Variants in MAGI3 observed in about 807,000 individuals in gnomAD.
MAGI3 encodes membrane associated guanylate kinase, WW and PDZ domain containing 3, also known as membrane-associated guanylate kinase, WW and PDZ domain-containing protein 3.
In MAGI3, 43 loss-of-function variants were observed where a neutral mutation model predicts 121.8. That is an observed-to-expected ratio of 0.35 (90% CI 0.28 to 0.46). MAGI3 has a LOEUF of 0.46. Ranked by LOEUF, MAGI3 falls within the 20% of genes least tolerant of loss-of-function variation. The probability of loss-of-function intolerance (pLI) is 1.00; values close to 1 mark genes in which losing one functional copy is unlikely to be tolerated. For missense variants in MAGI3, 1,547 were observed against 1,797.3 expected, an observed-to-expected ratio of 0.86 and a Z score of 2.52; for synonymous variants, 553 against 639.3, an observed-to-expected ratio of 0.86 and a Z score of 2.04.
At chr1:113,542,524 G>A (rs1278741285) in intron 1 of MAGI3, among the ~76,000 whole-genome samples, 2 of 152,166 alleles carry the variant, frequency 1.3e-5, no homozygotes, top group African/African-American at 2.4e-5. Flanking sequence ...ATGTTTCCAC[G>A]TTTGAAATTT....
intron 1 of MAGI3, among the ~76,000 whole-genome samples, chr1:113,418,405 C>T (rs1424162293): frequency 1.3e-5 from 2 of 152,094 alleles, no homozygotes; most frequent in Non-Finnish European, 2.9e-5. Flanking sequence ...CCAGCCATTA[C>T]TTGTGCTATT....
rs189126784 is a variant in MAGI3 at position 113,579,664 on chromosome 1, A to G, written c.434-878A>G. Among the ~76,000 whole-genome samples the G allele has an allele frequency of 2.0e-5, 3 of 152,152 alleles. No individual in the cohort carries two copies. The East Asian group carries it at 5.8e-4, about 29-fold the overall frequency. On this transcript the variant is annotated intron_variant, in intron 2 of 20. Coordinates refer to ENST00000307546, the MANE Select transcript of MAGI3 (RefSeq NM_001142782.2). ...GGTTGACCTAGGGGTACCAACAATA[A>G]AGGTCCTAGATAATGATATGAATTC...
intron 2 of MAGI3, among the ~76,000 whole-genome samples, chr1:113,571,692 T>C (rs1647297930): frequency 6.6e-6 from 1 of 152,208 alleles, no homozygotes; most frequent in Non-Finnish European, 1.5e-5. Flanking sequence ...GGCTCTCTGT[T>C]TGCCTATCAT....
intron 1 of MAGI3, among the ~76,000 whole-genome samples, chr1:113,504,764 G>A (rs963057792): frequency 6.6e-6 from 1 of 152,008 alleles, no homozygotes; most frequent in African/African-American, 2.4e-5. Flanking sequence ...GTTTATTTCA[G>A]CACTGTTTAT....
chr1:113,655,013 T>C (rs968165328), intron 15 of MAGI3, among the ~76,000 whole-genome samples: 2 of 152,166 alleles, frequency 1.3e-5, no homozygotes, highest in African/African-American at 4.8e-5. Context: ...GTCCATGACA[T>C]GGATGAGTTA....
chr1:113,685,694 G>A lies in MAGI3; in HGVS notation c.*1680G>A, dbSNP rs1648509321. 6.6e-6 allele frequency: 1 copy of A among 152,250 alleles called. No homozygotes were observed. Among genetic ancestry groups the A allele is most frequent in the African/African-American group, 2.4e-5 (1 of 41,406 alleles). 9.4% of individuals were successfully genotyped at this position (152,250 alleles called of 1,614,324 possible). A position where few individuals can be genotyped will look rare whatever the true frequency, so the allele number is the denominator to read the frequency against. On this transcript the variant is annotated 3_prime_UTR_variant, in exon 21 of 21. Coordinates refer to ENST00000307546, the MANE Select transcript of MAGI3 (RefSeq NM_001142782.2). ...AACGAATCCTATTTTTGTTAACTGT[G>A]ACATAACTTTGATGTCATATGTTGT...
chr1:113,611,936 C>CTTATTTATTTATTTAT (rs71090712), intron 6 of MAGI3, among the ~76,000 whole-genome samples: 16,928 of 138,748 alleles, frequency 0.12, 1,211 homozygotes, highest in African/African-American at 0.15. Context: ...CTAATCCCAA[C>CTTATTTATTTATTTAT]TTATTTATTT....
At chr1:113,587,707 A>G (rs960876587) in intron 4 of MAGI3, among the ~76,000 whole-genome samples, 2 of 152,212 alleles carry the variant, frequency 1.3e-5, no homozygotes, top group African/African-American at 4.8e-5. Flanking sequence ...ATGGTTTTAT[A>G]TAAAGAACAT....
chr1:113,455,573 A>G (rs1654710700), intron 1 of MAGI3, among the ~76,000 whole-genome samples: 1 of 151,746 alleles, frequency 6.6e-6, no homozygotes, highest in Non-Finnish European at 1.5e-5. Flanking sequence ...TTCATCTAAT[A>G]CTGTTCTCTT....
chr1:113,663,736 C>A (rs11803395), intron 16 of MAGI3, among the ~76,000 whole-genome samples: 3,502 of 152,086 alleles, frequency 0.023, 144 homozygotes, highest in African/African-American at 0.079. Context: ...ATTGTTGGGT[C>A]GCATGGTAAC....
chr1:113,439,010 C>T (rs2101451542), intron 1 of MAGI3, among the ~76,000 whole-genome samples: 1 of 152,248 alleles, frequency 6.6e-6, no homozygotes, highest in Admixed American at 6.5e-5. Flanking sequence ...ATCCAAATTG[C>T]CAGCATCACT....
At chr1:113,468,102 T>C (rs1383692611) in intron 1 of MAGI3, among the ~76,000 whole-genome samples, 1 of 152,208 alleles carries the variant, frequency 6.6e-6, no homozygotes, top group Non-Finnish European at 1.5e-5. Context: ...TTTCTGTCTT[T>C]GTGTTTCTTT....
chr1:113,399,080 AATT>A (rs1255789263), intron 1 of MAGI3, among the ~76,000 whole-genome samples: 2 of 151,950 alleles, frequency 1.3e-5, no homozygotes, highest in African/African-American at 4.8e-5. Context: ...TGGTCATTAG[AATT>A]ATTATTTGGT....
intron 2 of MAGI3, among the ~76,000 whole-genome samples, chr1:113,561,993 C>G (rs909313382): frequency 1.3e-5 from 2 of 152,100 alleles, no homozygotes; most frequent in East Asian, 3.9e-4. Context: ...GAGCCAAAAT[C>G]CAGAATGAAC....
rs944258904 is a variant in MAGI3 at position 113,466,258 on chromosome 1, T to G, written c.316+74909T>G. Among the ~76,000 whole-genome samples, 6 of 152,152 alleles carry G rather than the reference T, an allele frequency of 3.9e-5. No homozygotes were observed. In the East Asian group the frequency reaches 9.6e-4, roughly 24 times the overall value. ...TTAATCTGTTGAAATAATCATAGGGTTTTTGTATTGGTTCTGTTAATTATC... is the reference window on the plus strand; with the variant it reads ...TTAATCTGTTGAAATAATCATAGGGGTTTTGTATTGGTTCTGTTAATTATC... On this transcript the variant is annotated intron_variant, in intron 1 of 20. Coordinates refer to ENST00000307546, the MANE Select transcript of MAGI3 (RefSeq NM_001142782.2).
chr1:113,596,055 CTA>C (rs1648985964), intron 6 of MAGI3, among the ~76,000 whole-genome samples: 1 of 87,526 alleles, frequency 1.1e-5, no homozygotes, highest in South Asian at 4.0e-4. Context: ...AATACTAATA[CTA>C]ATAATAATTG....
intron 1 of MAGI3, among the ~76,000 whole-genome samples, chr1:113,470,474 A>G (rs747077405): frequency 6.6e-6 from 1 of 152,178 alleles, no homozygotes; most frequent in Non-Finnish European, 1.5e-5. Flanking sequence ...ATTGACCAGA[A>G]CTTAATCACG....
intron 15 of MAGI3, among the ~76,000 whole-genome samples, chr1:113,656,419 CTT>C (rs1171768187): frequency 1.4e-4 from 19 of 140,498 alleles, no homozygotes; most frequent in Non-Finnish European, 1.4e-4. Flanking sequence ...TTTTCTTTTT[CTT>C]TTTTTTTTTT....
At chr1:113,584,636 T>A (rs1431362517) in intron 3 of MAGI3, among the ~76,000 whole-genome samples, 2 of 152,354 alleles carry the variant, frequency 1.3e-5, no homozygotes, top group South Asian at 2.1e-4. Flanking sequence ...TAGTTCATTA[T>A]GTTACACATT....
Sources: allele counts gnomAD v4.1 joint callset (sites outside exome capture counted in the v4.1 genomes callset), GRCh38; gene constraint gnomAD v4.1.1; transcripts MANE v1.5; gene names NCBI Gene and HGNC (gene_info 2026-07-23, HGNC 2026-07-21).